Variants in FUNDC1 observed in about 807,000 individuals in gnomAD.
FUNDC1 encodes FUN14 domain containing 1, also known as FUN14 domain-containing protein 1.
A neutral mutation model predicts 14.5 loss-of-function variants in FUNDC1; 10 were observed. The observed-to-expected ratio is 0.69, with a 90% CI of 0.43 to 1.17. FUNDC1 has a LOEUF of 1.17. Ranked by LOEUF, FUNDC1 falls within the 50% of genes most tolerant of loss-of-function variation. The probability of loss-of-function intolerance (pLI) is 0.00; values close to 1 mark genes in which losing one functional copy is unlikely to be tolerated. For missense variants in FUNDC1, 115 were observed against 113.8 expected (o/e 1.01, Z -0.05); for synonymous variants, 33 against 39.7 (o/e 0.83, Z 0.64).
rs909293295 is a variant in FUNDC1, at chrX:44,542,191, C to T, written c.29-90G>A. 1.1e-5 allele frequency: 8 copies of T among 697,469 alleles called. No individual in the cohort carries two copies. The African/African-American group carries it at 1.5e-4, about 13-fold the overall frequency. The allele number at this position is 697,469 out of a possible 1,213,427, so 57.5% of individuals were successfully genotyped here. A position where few individuals can be genotyped will look rare whatever the true frequency, so the allele number is the denominator to read the frequency against. ...ATCTTTTTAAAAATCTGTTACAACT[C>T]ATTAGTTCTGGCCTACAGCTAAAAA... On this transcript the variant is annotated intron_variant, in intron 1 of 4. Coordinates refer to ENST00000378045, the MANE Select transcript of FUNDC1 (RefSeq NM_173794.4).
chrX:44,532,668 T>A (rs1025512743), intron 3 of FUNDC1, among the ~76,000 whole-genome samples: 2 of 108,466 alleles, frequency 1.8e-5, no homozygotes, highest in Middle Eastern at 4.6e-3. Flanking sequence ...TCCTCCTGCC[T>A]CAGCCTCCCG....
Position 44,524,141 on chromosome X carries a change from T to C in FUNDC1, c.*57A>G. 1.2e-6 allele frequency: 1 copy of C among 847,682 alleles called. No individual in the cohort carries two copies. The highest frequency in any genetic ancestry group is 1.8e-6 in the Non-Finnish European group (1 of 567,054). The allele number at this position is 847,682 out of a possible 1,213,427, so 69.9% of individuals were successfully genotyped here. On this transcript the variant is annotated 3_prime_UTR_variant, in exon 5 of 5. Coordinates refer to ENST00000378045, the MANE Select transcript of FUNDC1 (RefSeq NM_173794.4). ...CAGTATGACTTTTGAGAGACTGCCT[T>C]ATTGCTGCCACTTCTCTTCTCATAG...
At chrX:44,526,201 C>T (rs1054886029) in intron 4 of FUNDC1, among the ~76,000 whole-genome samples, 1 of 110,884 alleles carries the variant, frequency 9.0e-6, no homozygotes, top group Non-Finnish European at 1.9e-5. Flanking sequence ...GAGACTGAGG[C>T]GGGTGGATCA....
chrX:44,532,257 G>A (rs889647630), intron 3 of FUNDC1, among the ~76,000 whole-genome samples: 6 of 109,317 alleles, frequency 5.5e-5, no homozygotes, highest in African/African-American at 1.7e-4. Context: ...TAGCCAGACA[G>A]TGGTGTGCGC....
At chrX:44,540,883 T>C (rs2038968757) in intron 2 of FUNDC1, among the ~76,000 whole-genome samples, 1 of 111,486 alleles carries the variant, frequency 9.0e-6, no homozygotes, top group African/African-American at 3.3e-5. Flanking sequence ...GCATCTCTCT[T>C]CTAATTGCAG....
Position 44,542,853 on chromosome X carries a change from C to A in FUNDC1, c.-21G>T. ...GCCATGATACCGCCAGCGGCCAATT[C>A]TGGAGTGGTCCCCACCCGCCCTCCT... is the stretch of plus-strand genomic sequence containing the variant. On this transcript the variant is annotated 5_prime_UTR_variant, in exon 1 of 5. Coordinates refer to ENST00000378045, the MANE Select transcript of FUNDC1 (RefSeq NM_173794.4). 8.6e-7 allele frequency: 1 copy of A among 1,163,996 alleles called. No individual in the cohort carries two copies. The highest frequency in any genetic ancestry group is 1.1e-6 in the Non-Finnish European group (1 of 870,465).
At chrX:44,531,315 G>GACACAC (rs766982993) in intron 3 of FUNDC1, among the ~76,000 whole-genome samples, 444 of 18,839 alleles carry the variant, frequency 0.024, 52 homozygotes, top group Non-Finnish European at 0.031. Flanking sequence ...ATGTTGGCCA[G>GACACAC]ACACACACAC....
At chrX:44,528,668 G>A (rs1344367631) in intron 3 of FUNDC1, among the ~76,000 whole-genome samples, 1 of 112,714 alleles carries the variant, frequency 8.9e-6, no homozygotes, top group African/African-American at 3.2e-5. Flanking sequence ...GTATGTATAT[G>A]GCTTTATTTT....
At chrX:44,542,709 A>T (rs2038977519) in intron 1 of FUNDC1, 96 bp downstream of exon 1, 1 of 883,324 alleles carries the variant, frequency 1.1e-6, no homozygotes, top group African/African-American at 2.1e-5. Flanking sequence ...TGGAGCTCGA[A>T]GAATCCTAGG....
rs765453614 is a variant in FUNDC1, at chrX:44,527,339, C to G, written c.288G>C (p.Gln96His). Residue 96 changes from glutamine (Q) to histidine (H), a missense_variant, in exon 4 of 5, where the codon CAG (glutamine) becomes CAC (histidine). Physicochemically the swap from Gln to His is conservative, Grantham distance 24. Transcript: ENST00000378045. ...CTTTTTCAACTCTCTTCCAGTCAAT[C>G]TGCACATAGCCACTATGACTAGCAA... ...LQIASHSGYVQIDWKRVEKDV... is the reference protein window; with the variant it reads ...LQIASHSGYVHIDWKRVEKDV... 17 of 1,185,960 alleles carry G rather than the reference C, an allele frequency of 1.4e-5. No individual in the cohort carries two copies. The South Asian group carries it at 3.0e-4, about 21-fold the overall frequency.
chrX:44,524,021 C>CTTGCCA lies in FUNDC1; in HGVS notation c.*176_*177insTGGCAA. ...ACATACCATATAGGTTGTTTTACAG[C>CTTGCCA]AGATACTAGTTTGCCAAGCTTCAGA... On this transcript the variant is annotated 3_prime_UTR_variant, in exon 5 of 5. Coordinates refer to ENST00000378045, the MANE Select transcript of FUNDC1 (RefSeq NM_173794.4). 2.3e-6 allele frequency: 1 copy of CTTGCCA among 434,655 alleles called. No individual in the cohort carries two copies. The highest frequency in any genetic ancestry group is 4.2e-5 in the Admixed American group (1 of 24,084). The allele number at this position is 434,655 out of a possible 1,213,427, so 35.8% of individuals were successfully genotyped here. A position where few individuals can be genotyped will look rare whatever the true frequency, so the allele number is the denominator to read the frequency against.
At position 44,531,312 on chromosome X, in the gene FUNDC1, C is replaced by CACA. The variant is rs1477318576; in HGVS notation, c.262-3948_262-3947insTGT. ...GCTTTCAGATGAAGATTCATGTTGG[C>CACA]CAGACACACACACACACACACACAC... On this transcript the variant is annotated intron_variant, in intron 3 of 4. Transcript: ENST00000378045. Among the ~76,000 whole-genome samples, 37 of 22,791 alleles carry CACA rather than the reference C, an allele frequency of 1.6e-3. 3 individuals are homozygous for CACA. Among genetic ancestry groups the CACA allele is most frequent in the African/African-American group, 9.1e-3 (9 of 987 alleles). 19.8% of individuals were successfully genotyped at this position (22,791 alleles called of 115,157 possible).
chrX:44,533,802 A>G (rs1295419756), intron 3 of FUNDC1, among the ~76,000 whole-genome samples: 1 of 108,999 alleles, frequency 9.2e-6, no homozygotes, highest in African/African-American at 3.3e-5. Context: ...GGTGGCTCAC[A>G]TTTGTAATCC....
intron 2 of FUNDC1, among the ~76,000 whole-genome samples, chrX:44,539,515 A>G (rs969572621): frequency 9.0e-6 from 1 of 111,424 alleles, no homozygotes; most frequent in Non-Finnish European, 1.9e-5. Flanking sequence ...AAGGAATGAC[A>G]AGGATTGCTG....
rs2038893072 is a variant in FUNDC1 at position 44,524,384 on chromosome X, A to G, written c.391-109T>C. On this transcript the variant is annotated intron_variant, in intron 4 of 4. Transcript: ENST00000378045. Reference sequence around the variant, plus strand: ...GTAGACAAAAAAGAACAGATATTACATGATTCTGCTCGTATGAGTAGTCAG... The same window carrying G: ...GTAGACAAAAAAGAACAGATATTACGTGATTCTGCTCGTATGAGTAGTCAG... 10 of 521,977 alleles carry G rather than the reference A, an allele frequency of 1.9e-5. No individual in the cohort carries two copies. In the South Asian group the frequency reaches 2.9e-4, roughly 15 times the overall value. The allele number at this position is 521,977 out of a possible 1,213,427, so 43.0% of individuals were successfully genotyped here.
intron 3 of FUNDC1, among the ~76,000 whole-genome samples, chrX:44,535,567 G>A (rs2038944103): frequency 9.4e-6 from 1 of 106,218 alleles, no homozygotes; most frequent in Non-Finnish European, 1.9e-5. Flanking sequence ...CTACTTGAGA[G>A]GCCGAGGCAG....
Position 44,524,131 on chromosome X carries a change from G to A in FUNDC1, c.*67C>T. On this transcript the variant is annotated 3_prime_UTR_variant, in exon 5 of 5. Transcript: ENST00000378045. Reference sequence around the variant, plus strand: ...GAGACTCTGGCAGTATGACTTTTGAGAGACTGCCTTATTGCTGCCACTTCT... The same window carrying A: ...GAGACTCTGGCAGTATGACTTTTGAAAGACTGCCTTATTGCTGCCACTTCT... The A allele has an allele frequency of 1.3e-6, 1 of 750,809 alleles. No homozygotes were observed. The highest frequency in any genetic ancestry group is 2.1e-6 in the Non-Finnish European group (1 of 481,723). The allele number at this position is 750,809 out of a possible 1,213,427, so 61.9% of individuals were successfully genotyped here. A position where few individuals can be genotyped will look rare whatever the true frequency, so the allele number is the denominator to read the frequency against.
intron 4 of FUNDC1, among the ~76,000 whole-genome samples, 192 bp downstream of exon 4, chrX:44,527,043 CAA>C (rs370172957): frequency 8.6e-5 from 8 of 93,552 alleles, no homozygotes; most frequent in Non-Finnish European, 1.1e-4. Flanking sequence ...TGATAACCAC[CAA>C]AAAAAAAAAA....
At chrX:44,528,172 A>AT (rs757172232) in intron 3 of FUNDC1, among the ~76,000 whole-genome samples, 2 of 111,985 alleles carry the variant, frequency 1.8e-5, no homozygotes, top group South Asian at 3.7e-4. Context: ...TTTCTTTGTA[A>AT]TTTTTTAGTG....
Sources: gnomAD v4.1 joint callset for allele counts (sites outside exome capture counted in the v4.1 genomes callset) on GRCh38, gnomAD v4.1.1 for gene constraint, MANE v1.5 for transcripts, NCBI Gene and HGNC (gene_info 2026-07-23, HGNC 2026-07-21) for gene names.